PKD2: variants seen among roughly 807,000 people sequenced by gnomAD.
PKD2 encodes the protein polycystin-2.
In PKD2, 48 loss-of-function variants were observed where a neutral mutation model predicts 105.9. That is an observed-to-expected ratio of 0.45 (90% confidence interval 0.36 to 0.58). The LOEUF is 0.58. Among genes scored for constraint, PKD2 ranks in the 20% least tolerant of loss-of-function variants. The pLI is 0.00. For missense variants in PKD2, 1,078 were observed against 1,255.3 expected, an observed-to-expected ratio of 0.86 and a Z score of 2.13; for synonymous variants, 464 against 481.1, an observed-to-expected ratio of 0.96 and a Z score of 0.46.
At chr4:88,051,194 T>TGAGCAAGAG (rs1303802931) in intron 6 of PKD2, among the ~76,000 whole-genome samples, 1 of 151,754 alleles carries the variant, frequency 6.6e-6, no homozygotes, top group Non-Finnish European at 1.5e-5. Flanking sequence ...GGGACAGAAA[T>TGAGCAAGAG]GAGCAAGAGA....
intron 2 of PKD2, among the ~76,000 whole-genome samples, chr4:88,022,591 T>C (rs1726790845): frequency 6.6e-6 from 1 of 152,232 alleles, no homozygotes; most frequent in African/African-American, 2.4e-5. Context: ...TTCTAGTGAC[T>C]GAGTCCTTTC....
intron 6 of PKD2, 94 bp downstream of exon 6, chr4:88,046,964 C>T (rs955223389): frequency 7.4e-6 from 6 of 806,316 alleles, no homozygotes; most frequent in Non-Finnish European, 1.1e-5. Flanking sequence ...TCTTGATATT[C>T]CCAAAAAAGA....
intron 12 of PKD2, among the ~76,000 whole-genome samples, chr4:88,066,362 T>C (rs983989790): frequency 6.8e-6 from 1 of 146,922 alleles, no homozygotes; most frequent in African/African-American, 2.5e-5. Context: ...AACTTTTTTT[T>C]CTTTTTTTTT....
chr4:88,020,443 T>G (rs896757276), intron 2 of PKD2, among the ~76,000 whole-genome samples: 1 of 152,120 alleles, frequency 6.6e-6, no homozygotes, highest in African/African-American at 2.4e-5. Flanking sequence ...TTTCCTTCTT[T>G]CAGTTCGTCT....
rs544014723 is a variant in PKD2, at chr4:88,065,834, C to A, written c.2313C>A (p.Thr771=). 1.9e-6 allele frequency: 3 copies of A among 1,613,128 alleles called. No individual in the cohort carries two copies. Among genetic ancestry groups the A allele is most frequent in the East Asian group, 2.2e-5 (1 of 44,870 alleles). ...KYDQDGDQEL[T]EHEHQQMRDD... is the part of the protein sequence containing the mutation. The stretch of plus-strand genomic sequence containing the variant: ...ACCAAGATGGAGACCAAGAACTGAC[C>A]GAACATGAACATCAGCAGATGAGAG... Residue 771 remains threonine, a synonymous_variant, in exon 12 of 15, where the codon ACC becomes ACA. Transcript: ENST00000237596.
At chr4:88,055,350 GT>G (rs1370363877) in intron 7 of PKD2, among the ~76,000 whole-genome samples, 1 of 152,142 alleles carries the variant, frequency 6.6e-6, no homozygotes, top group Non-Finnish European at 1.5e-5. Context: ...TTTGTGTGAA[GT>G]TTTTTCCCTC....
chr4:88,065,189 T>C (rs1366024028), intron 10 of PKD2, among the ~76,000 whole-genome samples, 185 bp from the exon 11 acceptor site: 1 of 152,160 alleles, frequency 6.6e-6, no homozygotes, highest in Non-Finnish European at 1.5e-5. Context: ...ACTTTTTCCA[T>C]GTAACTGTTC....
intron 1 of PKD2, among the ~76,000 whole-genome samples, chr4:88,019,169 A>C (rs1349867632): frequency 6.6e-6 from 1 of 152,068 alleles, no homozygotes; most frequent in African/African-American, 2.4e-5. Context: ...TCTCTTTTTA[A>C]AATTTGACTA....
intron 2 of PKD2, among the ~76,000 whole-genome samples, chr4:88,022,796 G>T (rs1336130128): frequency 6.6e-6 from 1 of 152,174 alleles, no homozygotes; most frequent in Non-Finnish European, 1.5e-5. Context: ...TAAAAAAAGA[G>T]GTTTGGCCAG....
chr4:88,029,241 T>A (rs772705992), intron 2 of PKD2, among the ~76,000 whole-genome samples: 3 of 152,210 alleles, frequency 2.0e-5, no homozygotes, highest in African/African-American at 4.8e-5. Context: ...TTCACTTGCT[T>A]CGCTTTCTTC....
rs181704860 is a variant in PKD2, at chr4:88,008,177, C to T, written c.444C>T (p.Gly148=). ...SRGLGGYHGA[G]HPSGRRRRRE... is the part of the protein sequence containing the mutation. Reference sequence around the variant, plus strand: ...GGCTTGGGGGCTACCACGGCGCGGGCCACCCGAGCGGGAGGCGGCGCCGGC... The same window carrying T: ...GGCTTGGGGGCTACCACGGCGCGGGTCACCCGAGCGGGAGGCGGCGCCGGC... Residue 148 remains glycine (G), a synonymous_variant, in exon 1 of 15, where the codon GGC becomes GGT. Transcript: ENST00000237596. 1.2e-3 allele frequency: 1,650 copies of T among 1,391,656 alleles called. 25 individuals carry two copies. The African/African-American group carries it at 0.022, about 19-fold the overall frequency. The allele number at this position is 1,391,656 out of a possible 1,614,324, so 86.2% of individuals were successfully genotyped here.
chr4:88,075,918 A>G lies in PKD2; in HGVS notation c.*224A>G, dbSNP rs1195119983. On this transcript the variant is annotated 3_prime_UTR_variant, in exon 15 of 15. Coordinates refer to ENST00000237596, the MANE Select transcript of PKD2 (RefSeq NM_000297.4). Reference sequence around the variant, plus strand: ...AGAAATCTAGGTGTAAATATTGAGTACAGAAAAAAAATCTTCATGATGTGT... The same window carrying G: ...AGAAATCTAGGTGTAAATATTGAGTGCAGAAAAAAAATCTTCATGATGTGT... 3.7e-6 allele frequency: 2 copies of G among 545,706 alleles called. No homozygotes were observed. Among genetic ancestry groups the G allele is most frequent in the African/African-American group, 3.8e-5 (2 of 52,722 alleles). The allele number at this position is 545,706 out of a possible 1,614,324, so 33.8% of individuals were successfully genotyped here. A position where few individuals can be genotyped will look rare whatever the true frequency, so the allele number is the denominator to read the frequency against.
chr4:88,051,454 T>A (rs1720091865), intron 6 of PKD2, among the ~76,000 whole-genome samples: 1 of 152,252 alleles, frequency 6.6e-6, no homozygotes, highest in Non-Finnish European at 1.5e-5. Flanking sequence ...TTCTGTTTAT[T>A]CCTCTTAGCC....
intron 13 of PKD2, among the ~76,000 whole-genome samples, chr4:88,071,239 A>G (rs1252615409): frequency 6.7e-6 from 1 of 150,374 alleles, no homozygotes; most frequent in Non-Finnish European, 1.5e-5. Context: ...TTTTTTGTAG[A>G]GATGGGGTCT....
At chr4:88,054,650 C>CTTTTTTTT (rs1184325520) in intron 7 of PKD2, among the ~76,000 whole-genome samples, 1 of 81,374 alleles carries the variant, frequency 1.2e-5, no homozygotes, top group African/African-American at 6.3e-5. Context: ...CATGACTCTA[C>CTTTTTTTT]TTTTTTTTTT....
chr4:88,014,272 G>A (rs985796224), intron 1 of PKD2, among the ~76,000 whole-genome samples: 1 of 152,124 alleles, frequency 6.6e-6, no homozygotes, highest in East Asian at 1.9e-4. Context: ...GGAGGTGAGT[G>A]TGAGCTGTCT....
chr4:88,037,508 T>G (rs904236662), intron 3 of PKD2, among the ~76,000 whole-genome samples: 12 of 152,318 alleles, frequency 7.9e-5, no homozygotes, highest in African/African-American at 2.9e-4. Context: ...GGGTCAGAGC[T>G]GTTGATTTTA....
intron 9 of PKD2, among the ~76,000 whole-genome samples, chr4:88,060,105 T>A (rs908465650): frequency 3.3e-5 from 5 of 152,186 alleles, no homozygotes; most frequent in Non-Finnish European, 7.3e-5. Context: ...ACTTTCTATT[T>A]TTTGAAATCT....
Position 88,036,204 on chromosome 4 carries a change from T to A in PKD2, c.710-16T>A. 2 of 1,613,762 alleles carry A rather than the reference T, an allele frequency of 1.2e-6. No homozygotes were observed. The highest frequency in any genetic ancestry group is 1.7e-6 in the Non-Finnish European group (2 of 1,179,782). On this transcript the variant is annotated splice_polypyrimidine_tract_variant and intron_variant, in intron 2 of 14. Coordinates refer to ENST00000237596, the MANE Select transcript of PKD2 (RefSeq NM_000297.4). ...GGTTCCCTTGGGGCGTTCATTTGGA[T>A]CTTTCTGTGTTCCAGTGACCTACGG...
Sources: gnomAD v4.1 joint callset for allele counts (sites outside exome capture counted in the v4.1 genomes callset) on GRCh38, gnomAD v4.1.1 for gene constraint, MANE v1.5 for transcripts, NCBI Gene and HGNC (gene_info 2026-07-23, HGNC 2026-07-21) for gene names.